The following MCC variants were observed in gnomAD, a reference collection of about 807,000 sequenced individuals.
MCC encodes colorectal mutant cancer protein.
Under a neutral mutation model 116.2 loss-of-function variants are expected in MCC, and 90 were observed. The ratio of observed to expected loss-of-function variants is 0.77; its 90% CI spans 0.65 to 0.92. The LOEUF (loss-of-function observed/expected upper bound fraction) is 0.92. MCC is among the 40% of genes least tolerant of loss of function. MCC has a pLI of 0.00. For synonymous variants in MCC, 578 were observed against 510.5 expected (o/e 1.13, Z -1.78); for missense variants, 1,516 against 1,312.2 (o/e 1.16, Z -2.40).
chr5:113,157,531 A>C (rs1294957946), intron 3 of MCC, among the ~76,000 whole-genome samples: 3 of 151,756 alleles, frequency 2.0e-5, no homozygotes, highest in African/African-American at 7.3e-5. Flanking sequence ...CTGCTGAGGC[A>C]CCTCATGGTG....
chr5:113,065,196 T>C (rs573068993), intron 13 of MCC, among the ~76,000 whole-genome samples: 23 of 152,286 alleles, frequency 1.5e-4, no homozygotes, highest in Middle Eastern at 3.4e-3. Context: ...CTATGGGCTC[T>C]GGGTGATGAT....
chr5:113,045,968 C>A (rs1275306878), intron 16 of MCC, among the ~76,000 whole-genome samples: 1 of 152,166 alleles, frequency 6.6e-6, no homozygotes, highest in African/African-American at 2.4e-5. Context: ...TGACCCTTCA[C>A]AGAAAAGTGC....
intron 3 of MCC, among the ~76,000 whole-genome samples, chr5:113,271,228 T>C (rs1765607225): frequency 6.6e-6 from 1 of 152,168 alleles, no homozygotes; most frequent in African/African-American, 2.4e-5. Context: ...AAGAAATGTC[T>C]TGCTTTTCCT....
chr5:113,057,603 C>A (rs6892724), intron 14 of MCC, among the ~76,000 whole-genome samples: 1 of 152,142 alleles, frequency 6.6e-6, no homozygotes, highest in African/African-American at 2.4e-5. Flanking sequence ...GAGAGCAAAG[C>A]GCGCCCACAG....
chr5:113,388,356 G>A (rs370355784), intron 1 of MCC, among the ~76,000 whole-genome samples: 112 of 152,228 alleles, frequency 7.4e-4, no homozygotes, highest in African/African-American at 2.6e-3. Context: ...AAGCCTGCAG[G>A]GGAATTACAA....
chr5:113,471,869 C>A (rs948576015), intron 1 of MCC, among the ~76,000 whole-genome samples: 1 of 152,004 alleles, frequency 6.6e-6, no homozygotes, highest in African/African-American at 2.4e-5. Context: ...ATGGCGGGCG[C>A]CCCTCCCCCA....
chr5:113,039,716 C>A (rs78897249), intron 17 of MCC, among the ~76,000 whole-genome samples: 9,700 of 139,654 alleles, frequency 0.069, 471 homozygotes, highest in East Asian at 0.23. Context: ...TCCGCGCCCC[C>A]CCCCCCAACC....
chr5:113,330,044 C>T (rs1030963845), intron 3 of MCC, among the ~76,000 whole-genome samples: 1 of 152,186 alleles, frequency 6.6e-6, no homozygotes, highest in Non-Finnish European at 1.5e-5. Flanking sequence ...TAACTTAGCA[C>T]ATAAACTAAC....
At chr5:113,134,761 T>C (rs1758703866) in intron 5 of MCC, among the ~76,000 whole-genome samples, 1 of 151,806 alleles carries the variant, frequency 6.6e-6, no homozygotes, top group Non-Finnish European at 1.5e-5. Flanking sequence ...GTGATGACCT[T>C]GAGCAGTAGG....
chr5:113,278,903 C>T (rs1410303447), intron 3 of MCC, among the ~76,000 whole-genome samples: 3 of 152,148 alleles, frequency 2.0e-5, no homozygotes, highest in Admixed American at 6.5e-5. Flanking sequence ...TTATGCTGTC[C>T]AGAAATTTAC....
intron 11 of MCC, among the ~76,000 whole-genome samples, chr5:113,075,427 T>C (rs1475169681): frequency 2.0e-5 from 3 of 152,170 alleles, no homozygotes; most frequent in South Asian, 2.1e-4. Flanking sequence ...TGTGGGTGCA[T>C]GGCACGGGAC....
At chr5:113,397,748 C>T (rs1769563045) in intron 1 of MCC, among the ~76,000 whole-genome samples, 1 of 152,018 alleles carries the variant, frequency 6.6e-6, no homozygotes, top group East Asian at 1.9e-4. Flanking sequence ...AGTAGAAAAC[C>T]TAGGAAATAC....
At position 113,075,066 on chromosome 5, in the gene MCC, C is replaced by T. The variant is rs115419273; in HGVS notation, c.1785-3832G>A. On this transcript the variant is annotated intron_variant, in intron 11 of 18. Transcript: ENST00000408903. ...GATGGGAAGTGTGGAGGGAGAGGTGCGTGGCACTCGTGGGCCAGCACGAGT... is the reference window on the plus strand; with the variant it reads ...GATGGGAAGTGTGGAGGGAGAGGTGTGTGGCACTCGTGGGCCAGCACGAGT... Among the ~76,000 whole-genome samples the T allele has an allele frequency of 7.3e-3, 1,117 of 152,278 alleles. 13 individuals carry two copies. Among genetic ancestry groups the T allele is most frequent in the Middle Eastern group, 0.051 (15 of 294 alleles).
intron 3 of MCC, among the ~76,000 whole-genome samples, chr5:113,227,021 C>A (rs1464366850): frequency 6.6e-6 from 1 of 152,194 alleles, no homozygotes; most frequent in Non-Finnish European, 1.5e-5. Flanking sequence ...TAAGGCAATG[C>A]AGTTATGACA....
At chr5:113,164,470 G>A (rs968752182) in intron 3 of MCC, among the ~76,000 whole-genome samples, 3 of 152,052 alleles carry the variant, frequency 2.0e-5, no homozygotes, top group African/African-American at 2.4e-5. Flanking sequence ...ATCCTTGATC[G>A]CCCAGGGGCC....
rs72442525 is a variant in MCC at position 113,488,354 on chromosome 5, C to CGCT, written c.60_61insAGC (p.Gly20_Gly21insSer). The CGCT allele has an allele frequency of 2.4e-5, 34 of 1,389,006 alleles. No individual in the cohort carries two copies. Among genetic ancestry groups the CGCT allele is most frequent in the Middle Eastern group, 1.8e-4 (1 of 5,444 alleles). 86.0% of individuals were successfully genotyped at this position (1,389,006 alleles called of 1,614,324 possible). ...CTGCTGCTGCTGCTGCTGCCGCTGC[C>CGCT]GCCGCCGCCGCCGCCGCTGCTGGAG... On this transcript the variant is annotated inframe_insertion, in exon 1 of 19. Transcript: ENST00000408903.
At chr5:113,460,262 A>C (rs1255647173) in intron 1 of MCC, among the ~76,000 whole-genome samples, 1 of 152,208 alleles carries the variant, frequency 6.6e-6, no homozygotes, top group Non-Finnish European at 1.5e-5. Flanking sequence ...TTGTGGACAC[A>C]AGAAAAAGGG....
chr5:113,081,316 T>A (rs1008535559), intron 11 of MCC, among the ~76,000 whole-genome samples: 2 of 152,196 alleles, frequency 1.3e-5, no homozygotes, highest in African/African-American at 4.8e-5. Flanking sequence ...GTCACTCAAC[T>A]TGGGACTTCA....
chr5:113,234,015 T>C (rs1413098522), intron 3 of MCC, among the ~76,000 whole-genome samples: 1 of 152,204 alleles, frequency 6.6e-6, no homozygotes, highest in Non-Finnish European at 1.5e-5. Flanking sequence ...GAAGGGAATG[T>C]TCTGAGCCAC....
Sources: gnomAD v4.1 joint callset for allele counts (sites outside exome capture counted in the v4.1 genomes callset) on GRCh38, gnomAD v4.1.1 for gene constraint, MANE v1.5 for transcripts, NCBI Gene and HGNC (gene_info 2026-07-23, HGNC 2026-07-21) for gene names.